The following MAPKBP1 variants were observed in gnomAD, a reference collection of about 807,000 sequenced individuals.
MAPKBP1 encodes the protein mitogen-activated protein kinase-binding protein 1.
Under a neutral mutation model 170.5 loss-of-function variants are expected in MAPKBP1, and 71 were observed. The ratio of observed to expected loss-of-function variants is 0.42; its 90% confidence interval spans 0.34 to 0.51. The LOEUF is 0.51. Among genes scored for constraint, MAPKBP1 ranks in the 20% least tolerant of loss-of-function variants. MAPKBP1 has a pLI of 0.06. For missense variants in MAPKBP1, 1,598 were observed against 1,933.0 expected, an observed-to-expected ratio of 0.83 and a Z score of 3.25; for synonymous variants, 719 against 757.9, an observed-to-expected ratio of 0.95 and a Z score of 0.84.
At chr15:41,807,964 G>A (rs1260399869) in intron 3 of MAPKBP1, among the ~76,000 whole-genome samples, 5 of 151,378 alleles carry the variant, frequency 3.3e-5, no homozygotes, top group African/African-American at 4.8e-5. Flanking sequence ...GCTTGAACGC[G>A]GGAGGTGGAG....
rs765073233 is a variant in MAPKBP1, at chr15:41,818,025, A to C, written c.1921A>C (p.Ser641Arg). 1 of 1,614,162 alleles carries C rather than the reference A, an allele frequency of 6.2e-7. No individual in the cohort carries two copies. The highest frequency in any genetic ancestry group is 1.1e-5 in the South Asian group (1 of 91,086). ...TTCTTACAGGATATTTAACATCAGC[A>C]GTGGAAAGCAGAAGAAGCTGTTTAA... is the stretch of plus-strand genomic sequence containing the variant. ...DRNIRIFNIS[S>R]GKQKKLFKGS... The change falls in exon 17 of 31, where the codon AGT (serine) becomes CGT (arginine). Residue 641 changes from serine to arginine, a missense_variant. Physicochemically the swap from Ser to Arg is moderately radical, Grantham distance 110. Transcript: ENST00000457542. This position sits in a 1 kb window ranked among gnomAD's most constrained non-coding sequence, Gnocchi z 5.2.
intron 2 of MAPKBP1, among the ~76,000 whole-genome samples, chr15:41,795,946 A>G (rs527898409): frequency 6.6e-6 from 1 of 152,302 alleles, no homozygotes; most frequent in South Asian, 2.1e-4. Flanking sequence ...GTGACCTACC[A>G]TGTGGAGAAA....
chr15:41,827,021 TGTG>T lies in MAPKBP1; in HGVS notation c.*1590_*1592del, dbSNP rs1656973519. 6.6e-6 allele frequency: 1 copy of T among 152,048 alleles called. No individual in the cohort carries two copies. Among genetic ancestry groups the T allele is most frequent in the African/African-American group, 2.4e-5 (1 of 41,350 alleles). The allele number at this position is 152,048 out of a possible 1,614,324, so 9.4% of individuals were successfully genotyped here. A position where few individuals can be genotyped will look rare whatever the true frequency, so the allele number is the denominator to read the frequency against. On this transcript the variant is annotated 3_prime_UTR_variant, in exon 31 of 31. Transcript: ENST00000457542. Reference sequence around the variant, plus strand: ...ATAAAGAAATGGGTTCTGGGCCAGGTGTGGTGGCTCAAGCCTGTAATCCCAGCA... The same window carrying T: ...ATAAAGAAATGGGTTCTGGGCCAGGTGTGGCTCAAGCCTGTAATCCCAGCA...
At chr15:41,795,176 A>G (rs1041515650) in intron 2 of MAPKBP1, among the ~76,000 whole-genome samples, 6 of 151,816 alleles carry the variant, frequency 4.0e-5, no homozygotes, top group Admixed American at 6.6e-5. Context: ...AAAAAAAAAA[A>G]AAAAAGAAAA....
At chr15:41,788,860 C>T (rs909169306) in intron 2 of MAPKBP1, among the ~76,000 whole-genome samples, 7 of 152,054 alleles carry the variant, frequency 4.6e-5, no homozygotes, top group Non-Finnish European at 5.9e-5. Context: ...AAAAATTACA[C>T]GCTGATGGGT....
At chr15:41,804,120 G>A (rs2064650233) in intron 3 of MAPKBP1, among the ~76,000 whole-genome samples, 1 of 152,230 alleles carries the variant, frequency 6.6e-6, no homozygotes, top group African/African-American at 2.4e-5. Context: ...GATTACAGGT[G>A]TGAGCCACTG....
At chr15:41,781,500 G>T (rs1025899917) in intron 2 of MAPKBP1, among the ~76,000 whole-genome samples, 2 of 151,110 alleles carry the variant, frequency 1.3e-5, no homozygotes, top group South Asian at 2.1e-4. Context: ...CTGCTATGCC[G>T]GGCATGGTGG....
At chr15:41,803,198 T>C (rs777351552) in intron 3 of MAPKBP1, among the ~76,000 whole-genome samples, 7 of 151,856 alleles carry the variant, frequency 4.6e-5, no homozygotes, top group Non-Finnish European at 1.0e-4. Context: ...GCGGATCACC[T>C]GAGGTCAGGA....
At chr15:41,794,707 C>A (rs2064455517) in intron 2 of MAPKBP1, among the ~76,000 whole-genome samples, 1 of 152,138 alleles carries the variant, frequency 6.6e-6, no homozygotes, top group African/African-American at 2.4e-5. Context: ...CCATTGTATG[C>A]CAGAGACTGT....
At chr15:41,790,136 G>A (rs1050265615) in intron 2 of MAPKBP1, among the ~76,000 whole-genome samples, 3 of 152,214 alleles carry the variant, frequency 2.0e-5, no homozygotes, top group African/African-American at 7.2e-5. Flanking sequence ...TATACATTCA[G>A]TAAATGGCAG....
At chr15:41,815,235 A>T in intron 10 of MAPKBP1, 24 bp from the exon 11 acceptor site, 1 of 1,613,804 alleles carries the variant, frequency 6.2e-7, no homozygotes, top group South Asian at 1.1e-5. Context: ...TGGAGGTCTG[A>T]TTGTGTTCCC....
At position 41,821,957 on chromosome 15, in the gene MAPKBP1, C is replaced by T. The variant is rs200719047; in HGVS notation, c.2886-8C>T. The stretch of plus-strand genomic sequence containing the variant: ...TGCCTTTTCTTCTCCCTGCTGGAAT[C>T]CTGACAGTGAGTTCCAAGTGCAGGC... On this transcript the variant is annotated splice_polypyrimidine_tract_variant and splice_region_variant and intron_variant, in intron 24 of 30. Coordinates refer to ENST00000457542, the MANE Select transcript of MAPKBP1 (RefSeq NM_014994.3). The T allele has an allele frequency of 1.2e-6, 2 of 1,610,276 alleles. No homozygotes were observed. Among genetic ancestry groups the T allele is most frequent in the Non-Finnish European group, 1.7e-6 (2 of 1,178,364 alleles).
At position 41,815,705 on chromosome 15, in the gene MAPKBP1, G is replaced by A; in HGVS notation, c.1399G>A (p.Ala467Thr). The change falls in exon 12 of 31, where the codon GCA (alanine) becomes ACA (threonine). Residue 467 changes from alanine to threonine, a missense_variant. Around this residue, in one of 6 missense-constraint regions of MAPKBP1, gnomAD observed 430 missense variants for 617.2 expected, o/e 0.70. Transcript: ENST00000457542. Reference protein sequence around the residue: ...TELPGGDKADASLLDPRVGIR... With the variant: ...TELPGGDKADTSLLDPRVGIR... ...GCTGCCTGGAGGAGACAAAGCTGAT[G>A]CATCCCTGTTGGATCCCCGCGTGGG... is the stretch of plus-strand genomic sequence containing the variant. The A allele has an allele frequency of 6.2e-7, 1 of 1,614,188 alleles. No individual in the cohort carries two copies. Among genetic ancestry groups the A allele is most frequent in the African/African-American group, 1.3e-5 (1 of 75,056 alleles).
chr15:41,818,013 T>C lies in MAPKBP1; in HGVS notation c.1909T>C (p.Phe637Leu). The stretch of plus-strand genomic sequence containing the variant: ...AAGAGACTATGTTTCTTACAGGATA[T>C]TTAACATCAGCAGTGGAAAGCAGAA... Reference protein sequence around the residue: ...IGCQDRNIRIFNISSGKQKKL... With the variant: ...IGCQDRNIRILNISSGKQKKL... Residue 637 changes from phenylalanine (F) to leucine (L), a missense_variant, in exon 17 of 31, where the codon TTT becomes CTT. Phe to Leu is a conservative substitution (Grantham distance 22). Coordinates refer to ENST00000457542, the MANE Select transcript of MAPKBP1 (RefSeq NM_014994.3). The surrounding 1 kb of genome is among the most constrained non-coding windows in gnomAD (Gnocchi z 5.2). The C allele has an allele frequency of 1.2e-6, 2 of 1,614,088 alleles. No individual in the cohort carries two copies. The highest frequency in any genetic ancestry group is 1.7e-6 in the Non-Finnish European group (2 of 1,179,938).
intron 3 of MAPKBP1, among the ~76,000 whole-genome samples, chr15:41,810,057 A>T (rs1406967982): frequency 6.6e-6 from 1 of 151,834 alleles, no homozygotes; most frequent in African/African-American, 2.4e-5. Flanking sequence ...TCCTTATTCA[A>T]CACATGGTGT....
intron 3 of MAPKBP1, among the ~76,000 whole-genome samples, chr15:41,804,337 C>G (rs965309060): frequency 6.6e-6 from 1 of 152,210 alleles, no homozygotes; most frequent in Non-Finnish European, 1.5e-5. Context: ...CACACGGGCT[C>G]TGCCTGGCAA....
chr15:41,815,276 G>A lies in MAPKBP1; in HGVS notation c.1188G>A (p.Lys396=), dbSNP rs544587803. 5.5e-5 allele frequency: 88 copies of A among 1,614,194 alleles called. No individual in the cohort carries two copies. In the South Asian group the frequency reaches 9.6e-4, roughly 18 times the overall value. ...VWSVEVYPEV[K]DSNQACLPPS... Reference sequence around the variant, plus strand: ...CTCTTCAGGTCTACCCCGAGGTGAAGGATAGTAACCAGGCCTGCCTGCCCC... The same window carrying A: ...CTCTTCAGGTCTACCCCGAGGTGAAAGATAGTAACCAGGCCTGCCTGCCCC... The change falls in exon 11 of 31, where the codon AAG becomes AAA. Residue 396 remains lysine, a synonymous_variant. Transcript: ENST00000457542.
At position 41,811,307 on chromosome 15, in the gene MAPKBP1, C is replaced by T. The variant is rs546052915; in HGVS notation, c.327+72C>T. On this transcript the variant is annotated intron_variant, in intron 5 of 30. Coordinates refer to ENST00000457542, the MANE Select transcript of MAPKBP1 (RefSeq NM_014994.3). ...CTGGCCTCCGCAGAGAGCTGCGGTCCTAGGCCTGCTGTCACTTTGGCTTCT... is the reference window on the plus strand; with the variant it reads ...CTGGCCTCCGCAGAGAGCTGCGGTCTTAGGCCTGCTGTCACTTTGGCTTCT... 3 of 1,525,190 alleles carry T rather than the reference C, an allele frequency of 2.0e-6. No individual in the cohort carries two copies. The African/African-American group carries it at 4.1e-5, about 21-fold the overall frequency. 94.5% of individuals were successfully genotyped at this position (1,525,190 alleles called of 1,614,324 possible).
rs951967557 is a variant in MAPKBP1, at chr15:41,817,129, G to A, written c.1711+94G>A. The A allele has an allele frequency of 1.3e-6, 2 of 1,515,568 alleles. No individual in the cohort carries two copies. Among genetic ancestry groups the A allele is most frequent in the Admixed American group, 4.2e-5 (2 of 47,680 alleles). The allele number at this position is 1,515,568 out of a possible 1,614,324, so 93.9% of individuals were successfully genotyped here. A position where few individuals can be genotyped will look rare whatever the true frequency, so the allele number is the denominator to read the frequency against. On this transcript the variant is annotated intron_variant, in intron 14 of 30. Coordinates refer to ENST00000457542, the MANE Select transcript of MAPKBP1 (RefSeq NM_014994.3). The surrounding 1 kb of genome is among the most constrained non-coding windows in gnomAD (Gnocchi z 4.2). ...TGAGAAGGGTCTGCCCATTGTGGGGGAGTGTTGGACAGCAGCTGGGAGGCC... is the reference window on the plus strand; with the variant it reads ...TGAGAAGGGTCTGCCCATTGTGGGGAAGTGTTGGACAGCAGCTGGGAGGCC...
Sources: gnomAD v4.1 joint callset for allele counts (sites outside exome capture counted in the v4.1 genomes callset) on GRCh38, gnomAD v4.1.1 for gene constraint, gnomAD v4.1.1 regional missense constraint, Gnocchi (gnomAD v3.1) non-coding constraint, MANE v1.5 for transcripts, NCBI Gene and HGNC (gene_info 2026-07-23, HGNC 2026-07-21) for gene names.